Variants in STEAP2 observed in about 807,000 individuals in gnomAD.
The protein encoded by STEAP2 is metalloreductase STEAP2.
A neutral mutation model predicts 46.4 loss-of-function variants in STEAP2; 30 were observed. That is an observed-to-expected ratio of 0.65 (90% CI 0.48 to 0.88). The LOEUF (loss-of-function observed/expected upper bound fraction) is 0.88, where lower values mean the gene tolerates loss of function less well. STEAP2 is among the 40% of genes least tolerant of loss of function. The pLI is 0.00. For missense variants in STEAP2, 513 were observed against 579.3 expected, an observed-to-expected ratio of 0.89 and a Z score of 1.18; for synonymous variants, 180 against 200.5, an observed-to-expected ratio of 0.90 and a Z score of 0.86.
chr7:90,242,206 G>C (rs1173153078), downstream of STEAP2, among the ~76,000 whole-genome samples: 1 of 152,142 alleles, frequency 6.6e-6, no homozygotes, highest in Non-Finnish European at 1.5e-5. Context: ...GGAGCTTATG[G>C]GGCTTATGCT....
In STEAP2 at chr7:90,232,546, G is replaced by A; in HGVS notation, c.1395G>A (p.Trp465Ter). 1.2e-6 allele frequency: 2 copies of A among 1,613,656 alleles called. No individual in the cohort carries two copies. The highest frequency in any genetic ancestry group is 1.7e-6 in the Non-Finnish European group (2 of 1,179,720). ...AGCTAAAACGAATTAAAAAAGGCTG[G>A]GAAAAGAGCCAATTTCTGGAAGAAG... ...SRKLKRIKKGWEKSQFLEEGM... is the reference protein window; with the variant it reads ...SRKLKRIKKG The change falls in exon 6 of 6, where the codon TGG (tryptophan) becomes TGA (stop). Residue 465 changes from tryptophan (W) to a stop codon, truncating the protein, a stop_gained. Transcript: ENST00000394621. LOFTEE classifies it high-confidence loss of function.
intron 5 of STEAP2, among the ~76,000 whole-genome samples, chr7:90,230,712 A>T (rs1375980798): frequency 1.4e-4 from 22 of 151,954 alleles, no homozygotes; most frequent in Non-Finnish European, 1.5e-5. Context: ...AAAATATATA[A>T]CTGAAACATA....
intron 5 of STEAP2, 146 bp downstream of exon 5, chr7:90,230,182 A>G: frequency 6.8e-7 from 1 of 1,473,200 alleles, no homozygotes; most frequent in Non-Finnish European, 9.0e-7. Context: ...AAGCCAGCTT[A>G]GGATTGCTCT....
chr7:90,235,565 C>T lies in STEAP2; in HGVS notation c.*2941C>T. On this transcript the variant is annotated 3_prime_UTR_variant, in exon 6 of 6. Transcript: ENST00000394621. ...ACCTGGTCTGTGTTTTGAGAAGTGC[C>T]CCTTAGAAAGTTAAAAGAATGTAGA... 1.0e-6 allele frequency: 1 copy of T among 984,746 alleles called. No homozygotes were observed. Among genetic ancestry groups the T allele is most frequent in the Non-Finnish European group, 1.2e-6 (1 of 829,752 alleles). 61.0% of individuals were successfully genotyped at this position (984,746 alleles called of 1,614,324 possible). A position where few individuals can be genotyped will look rare whatever the true frequency, so the allele number is the denominator to read the frequency against.
In STEAP2 at chr7:90,233,197, C is replaced by A; in HGVS notation, c.*573C>A. On this transcript the variant is annotated 3_prime_UTR_variant, in exon 6 of 6. Transcript: ENST00000394621. Reference sequence around the variant, plus strand: ...GAAGCAATGTGATTATATGAAGAGACACAAATTAAAAAGACAAATTAAACC... The same window carrying A: ...GAAGCAATGTGATTATATGAAGAGAAACAAATTAAAAAGACAAATTAAACC... The A allele has an allele frequency of 2.1e-6, 2 of 970,418 alleles. No homozygotes were observed. Among genetic ancestry groups the A allele is most frequent in the Non-Finnish European group, 2.4e-6 (2 of 816,450 alleles). The allele number at this position is 970,418 out of a possible 1,614,324, so 60.1% of individuals were successfully genotyped here.
chr7:90,226,658 A>T (rs889962768), intron 3 of STEAP2, among the ~76,000 whole-genome samples: 4 of 152,076 alleles, frequency 2.6e-5, no homozygotes, highest in African/African-American at 9.7e-5. Context: ...ATCTTCAGGG[A>T]TATATTTAGG....
At chr7:90,212,115 G>C (rs1422186034) in intron 1 of STEAP2, 70 bp downstream of exon 1, 4 of 152,426 alleles carry the variant, frequency 2.6e-5, no homozygotes, top group Non-Finnish European at 4.4e-5. Context: ...TGCAGTCTGC[G>C]CCACGCGCTG....
intron 1 of STEAP2, among the ~76,000 whole-genome samples, chr7:90,214,857 G>A (rs1794952780): frequency 6.6e-6 from 1 of 152,170 alleles, no homozygotes; most frequent in Non-Finnish European, 1.5e-5. Flanking sequence ...CTGAGGTGGG[G>A]TAGAGGCAAA....
chr7:90,223,650 G>A (rs1436787409), intron 2 of STEAP2, among the ~76,000 whole-genome samples: 3 of 152,114 alleles, frequency 2.0e-5, no homozygotes, highest in Non-Finnish European at 4.4e-5. Context: ...GCACAGCCAT[G>A]TTCTTTACAA....
At chr7:90,221,332 T>C (rs1795250496) in intron 2 of STEAP2, among the ~76,000 whole-genome samples, 2 of 152,312 alleles carry the variant, frequency 1.3e-5, no homozygotes, top group East Asian at 1.9e-4. Flanking sequence ...ATGTTTAGAA[T>C]TGTTATATCC....
intron 5 of STEAP2, 104 bp from the exon 6 acceptor site, chr7:90,232,233 G>A (rs1037640346): frequency 1.4e-5 from 18 of 1,328,818 alleles, no homozygotes; most frequent in Non-Finnish European, 1.7e-5. Context: ...AGACAAAATA[G>A]TTTTATCAAA....
At chr7:90,217,635 C>T (rs1795076366) in intron 2 of STEAP2, among the ~76,000 whole-genome samples, 1 of 147,426 alleles carries the variant, frequency 6.8e-6, no homozygotes, top group African/African-American at 2.5e-5. Flanking sequence ...ATACATACCA[C>T]ATTTTCTTTA....
chr7:90,218,787 T>C (rs1795133933), intron 2 of STEAP2, among the ~76,000 whole-genome samples: 1 of 152,172 alleles, frequency 6.6e-6, no homozygotes, highest in African/African-American at 2.4e-5. Context: ...AATTTTAGGA[T>C]TGTCTTTTCT....
rs977492997 is a variant in STEAP2, at chr7:90,235,969, G to T, written c.*3345G>T. ...TTTCTTATAAAGCAGCATAACCTTG[G>T]CTTGATTAAGGAATTCTACTTTCAA... On this transcript the variant is annotated 3_prime_UTR_variant, in exon 6 of 6. Coordinates refer to ENST00000394621, the MANE Select transcript of STEAP2 (RefSeq NM_001244944.2). The T allele has an allele frequency of 6.0e-5, 59 of 983,370 alleles. No individual in the cohort carries two copies. Among genetic ancestry groups the T allele is most frequent in the Non-Finnish European group, 6.4e-5 (53 of 828,306 alleles). 60.9% of individuals were successfully genotyped at this position (983,370 alleles called of 1,614,324 possible).
chr7:90,232,663 T>C lies in STEAP2; in HGVS notation c.*39T>C. ...TCACAGCTGCCATATAAAGTTCTAC[T>C]CATGCCATTATTTTTATGACTTCTA... On this transcript the variant is annotated 3_prime_UTR_variant, in exon 6 of 6. Coordinates refer to ENST00000394621, the MANE Select transcript of STEAP2 (RefSeq NM_001244944.2). 6.5e-7 allele frequency: 1 copy of C among 1,529,564 alleles called. No homozygotes were observed. The highest frequency in any genetic ancestry group is 8.8e-7 in the Non-Finnish European group (1 of 1,138,554). 94.7% of individuals were successfully genotyped at this position (1,529,564 alleles called of 1,614,324 possible).
chr7:90,228,220 T>C (rs1795580166), intron 4 of STEAP2, among the ~76,000 whole-genome samples: 1 of 152,160 alleles, frequency 6.6e-6, no homozygotes, highest in African/African-American at 2.4e-5. Context: ...TGGTGTAGCA[T>C]TTCTCCATGA....
At chr7:90,238,406 C>T (rs1015344243), downstream of STEAP2, among the ~76,000 whole-genome samples, 18 of 152,166 alleles carry the variant, frequency 1.2e-4, no homozygotes, top group Admixed American at 9.8e-4. Flanking sequence ...TAAAATTTTT[C>T]TAAATCTGGC....
chr7:90,236,731 A>G lies in STEAP2; in HGVS notation c.*4107A>G, dbSNP rs1795973237. The G allele has an allele frequency of 7.1e-7, 1 of 1,399,692 alleles. No individual in the cohort carries two copies. Among genetic ancestry groups the G allele is most frequent in the Non-Finnish European group, 9.3e-7 (1 of 1,081,040 alleles). The allele number at this position is 1,399,692 out of a possible 1,614,324, so 86.7% of individuals were successfully genotyped here. ...TACTGAGTTTTTTTTAACTTTCTAAATTATTGAATTTCCATCATGCATTCA... is the reference window on the plus strand; with the variant it reads ...TACTGAGTTTTTTTTAACTTTCTAAGTTATTGAATTTCCATCATGCATTCA... On this transcript the variant is annotated 3_prime_UTR_variant, in exon 6 of 6. Coordinates refer to ENST00000394621, the MANE Select transcript of STEAP2 (RefSeq NM_001244944.2).
downstream of STEAP2, chr7:90,238,144 G>GCTC (rs1562820119): frequency 1.4e-6 from 1 of 717,210 alleles, no homozygotes; most frequent in East Asian, 2.7e-5. Context: ...TGCTGCTGCT[G>GCTC]CCACTACCAC....
Sources: gnomAD v4.1 joint callset for allele counts (sites outside exome capture counted in the v4.1 genomes callset) on GRCh38, gnomAD v4.1.1 for gene constraint, MANE v1.5 for transcripts, NCBI Gene and HGNC (gene_info 2026-07-23, HGNC 2026-07-21) for gene names.